Variants in TENM1 observed in about 807,000 individuals in gnomAD.
The protein encoded by TENM1 is teneurin transmembrane protein 1, also known as teneurin-1.
A neutral mutation model predicts 174.8 loss-of-function variants in TENM1; 35 were observed. That is an observed-to-expected ratio of 0.20 (90% CI 0.15 to 0.27). The LOEUF (loss-of-function observed/expected upper bound fraction) is 0.27. Ranked by LOEUF, TENM1 falls within the 10% of genes least tolerant of loss-of-function variation. The pLI is 1.00. For synonymous variants in TENM1, 781 were observed against 798.7 expected (o/e 0.98, Z 0.37); for missense variants, 1,633 against 2,130.1 (o/e 0.77, Z 4.59).
chrX:125,071,915 C>T, the TENM1 span, among the ~76,000 whole-genome samples: 2 of 110,717 alleles, frequency 1.8e-5, no homozygotes, highest in South Asian at 3.8e-4. Context: ...GCATATGGTA[C>T]TATTTGCATT....
chrX:124,866,360 T>C (rs1199339961), intron 3 of TENM1, among the ~76,000 whole-genome samples: 1 of 112,106 alleles, frequency 8.9e-6, no homozygotes, highest in African/African-American at 3.2e-5. Context: ...AGAGGAATTT[T>C]GGAAACTATA....
At chrX:124,382,834 A>G in intron 30 of TENM1, 22 bp from the exon 34 acceptor site, 1 of 1,154,016 alleles carries the variant, frequency 8.7e-7, no homozygotes, top group South Asian at 2.1e-5. Flanking sequence ...AATATTAAAA[A>G]AAGAAAATGA....
chrX:124,665,518 C>T (rs900023949), intron 6 of TENM1, among the ~76,000 whole-genome samples: 1 of 112,587 alleles, frequency 8.9e-6, no homozygotes, highest in Admixed American at 9.4e-5. Context: ...CAACGGAATT[C>T]TCTGCAAGTA....
chrX:124,583,634 CT>C (rs1352284331), intron 11 of TENM1, among the ~76,000 whole-genome samples: 1 of 111,939 alleles, frequency 8.9e-6, no homozygotes, highest in African/African-American at 3.2e-5. Flanking sequence ...AGCACCTCTC[CT>C]CCTCCAAAGG....
intron 5 of TENM1, among the ~76,000 whole-genome samples, chrX:124,677,430 A>G (rs2052116429): frequency 9.0e-6 from 1 of 111,309 alleles, no homozygotes; most frequent in Non-Finnish European, 1.9e-5. Context: ...TTCATTGCTG[A>G]TAGGAGTGTA....
chrX:124,636,522 C>A (rs1033591344), intron 11 of TENM1, among the ~76,000 whole-genome samples: 1 of 111,899 alleles, frequency 8.9e-6, no homozygotes, highest in African/African-American at 3.3e-5. Flanking sequence ...TTGGTCCAGA[C>A]CTCTGTACAA....
At chrX:124,607,505 C>T (rs1472227963) in intron 11 of TENM1, among the ~76,000 whole-genome samples, 2 of 110,507 alleles carry the variant, frequency 1.8e-5, no homozygotes, top group Non-Finnish European at 3.8e-5. Context: ...TATGAGAATA[C>T]TGAAGAAAAA....
the TENM1 span, among the ~76,000 whole-genome samples, chrX:124,998,292 T>C: frequency 4.6e-5 from 5 of 109,430 alleles, no homozygotes; most frequent in African/African-American, 1.7e-4. Flanking sequence ...TTCAAGGAGA[T>C]TGACGTTAAA....
chrX:124,590,312 C>G (rs953516325), intron 11 of TENM1, among the ~76,000 whole-genome samples: 5 of 110,058 alleles, frequency 4.5e-5, no homozygotes, highest in African/African-American at 1.7e-4. Flanking sequence ...GTACAAAAAT[C>G]ACAAGCATTC....
At chrX:125,145,878 G>A in the TENM1 span, among the ~76,000 whole-genome samples, 1 of 111,927 alleles carries the variant, frequency 8.9e-6, no homozygotes, top group Non-Finnish European at 1.9e-5. Flanking sequence ...AACCGTGATA[G>A]TAAAACTAAC....
chrX:125,073,598 A>G, the TENM1 span, among the ~76,000 whole-genome samples: 1 of 111,021 alleles, frequency 9.0e-6, no homozygotes, highest in Non-Finnish European at 1.9e-5. Context: ...TCATTTCTGT[A>G]TCTGTTGATT....
At chrX:124,775,615 G>A (rs2054765436) in intron 3 of TENM1, among the ~76,000 whole-genome samples, 1 of 111,968 alleles carries the variant, frequency 8.9e-6, no homozygotes, top group Non-Finnish European at 1.9e-5. Flanking sequence ...TCAGCCTTTG[G>A]ACATTATCAT....
chrX:124,478,039 G>A (rs1235853250), intron 22 of TENM1, among the ~76,000 whole-genome samples: 1 of 112,117 alleles, frequency 8.9e-6, no homozygotes, highest in Non-Finnish European at 1.9e-5. Flanking sequence ...ACAGTGTATG[G>A]CACACAGTAG....
At chrX:124,581,401 T>C (rs1477154171) in intron 11 of TENM1, among the ~76,000 whole-genome samples, 1 of 104,532 alleles carries the variant, frequency 9.6e-6, no homozygotes, top group Non-Finnish European at 1.9e-5. Context: ...TAGTATTCCA[T>C]GGTACATATG....
chrX:125,086,477 C>A, the TENM1 span, among the ~76,000 whole-genome samples: 1 of 110,953 alleles, frequency 9.0e-6, no homozygotes, highest in Non-Finnish European at 1.9e-5. Context: ...TCCATTTATT[C>A]AAATTCTACT....
chrX:124,392,849 T>A (rs367570179), intron 27 of TENM1, among the ~76,000 whole-genome samples: 2 of 111,680 alleles, frequency 1.8e-5, no homozygotes, highest in South Asian at 7.6e-4. Flanking sequence ...GAGTTTTATA[T>A]GATTTCACAC....
At position 124,582,460 on chromosome X, in the gene TENM1, A is replaced by T. The variant is rs760264399; in HGVS notation, c.2078-16900T>A. On this transcript the variant is annotated intron_variant, in intron 11 of 31. Transcript: ENST00000422452. ...AGAGATCTTTCACCTCCTTGGTTAG[A>T]TGTATTCTTAAGTATTTTATTTTTT... Among the ~76,000 whole-genome samples, 10 of 111,579 alleles carry T rather than the reference A, an allele frequency of 9.0e-5. No individual in the cohort carries two copies. In the East Asian group the frequency reaches 2.8e-3, roughly 32 times the overall value.
the TENM1 span, among the ~76,000 whole-genome samples, chrX:125,011,020 A>G: frequency 9.0e-6 from 1 of 110,947 alleles, no homozygotes. Context: ...TACCTCAGAA[A>G]TAACACCACA....
At chrX:124,399,374 C>T (rs1212046157) in intron 27 of TENM1, among the ~76,000 whole-genome samples, 1 of 111,874 alleles carries the variant, frequency 8.9e-6, no homozygotes, top group Non-Finnish European at 1.9e-5. Context: ...TATATTGCAC[C>T]ATCCATGTCC....
Sources: gnomAD v4.1 joint callset for allele counts (sites outside exome capture counted in the v4.1 genomes callset) on GRCh38, gnomAD v4.1.1 for gene constraint, MANE v1.5 for transcripts, NCBI Gene and HGNC (gene_info 2026-07-23, HGNC 2026-07-21) for gene names.